Variants in KIAA1549L observed in about 807,000 individuals in gnomAD.
The protein encoded by KIAA1549L is KIAA1549 like.
KIAA1549L carries 88 observed loss-of-function variants against 160.7 expected under a neutral mutation model. The observed-to-expected ratio is 0.55, with a 90% CI of 0.46 to 0.65. KIAA1549L has a LOEUF of 0.65. KIAA1549L is among the 30% of genes least tolerant of loss of function. The pLI is 0.00. For synonymous variants in KIAA1549L, 950 were observed against 976.7 expected, an observed-to-expected ratio of 0.97 and a Z score of 0.51; for missense variants, 2,258 against 2,437.5, an observed-to-expected ratio of 0.93 and a Z score of 1.55.
chr11:33,470,049 G>A lies in KIAA1549L; in HGVS notation c.239-71753G>A, dbSNP rs1416803211. On this transcript the variant is annotated intron_variant, in intron 1 of 20. Transcript: ENST00000658780. ...CAATTTATCTATTTTTTTTTCTTTT[G>A]TTGCTTGTACTTTTGGTGTCATATC... Among the ~76,000 whole-genome samples, 4 of 150,852 alleles carry A rather than the reference G, an allele frequency of 2.7e-5. No individual in the cohort carries two copies. In the East Asian group the frequency reaches 7.7e-4, roughly 29 times the overall value.
intron 1 of KIAA1549L, among the ~76,000 whole-genome samples, chr11:33,489,321 A>G (rs953384529): frequency 1.3e-5 from 2 of 152,222 alleles, no homozygotes; most frequent in Non-Finnish European, 2.9e-5. Flanking sequence ...AGAGAGAGAC[A>G]GAGACAGAGG....
chr11:33,398,866 C>T (rs939186969), intron 1 of KIAA1549L, among the ~76,000 whole-genome samples: 2 of 151,636 alleles, frequency 1.3e-5, no homozygotes, highest in Non-Finnish European at 2.9e-5. Flanking sequence ...CGTATATAGT[C>T]TTAGTTAAAA....
chr11:33,466,352 C>G (rs1249329772), intron 1 of KIAA1549L, among the ~76,000 whole-genome samples: 1 of 152,178 alleles, frequency 6.6e-6, no homozygotes, highest in African/African-American at 2.4e-5. Flanking sequence ...ATGCAGCCAA[C>G]AGACATATGA....
chr11:33,591,207 T>C, intron 11 of KIAA1549L, 30 bp from the exon 12 acceptor site: 1 of 1,563,802 alleles, frequency 6.4e-7, no homozygotes, highest in Non-Finnish European at 8.7e-7. Context: ...TCGCTAGAAA[T>C]ACGACTGCAA....
intron 12 of KIAA1549L, among the ~76,000 whole-genome samples, chr11:33,594,765 A>G (rs1350716489): frequency 6.6e-6 from 1 of 152,244 alleles, no homozygotes; most frequent in Non-Finnish European, 1.5e-5. Context: ...AATTAGGACC[A>G]TTACTGCAAT....
Position 33,495,341 on chromosome 11 carries a change from T to G in KIAA1549L, c.239-46461T>G, listed in dbSNP as rs1360531140. On this transcript the variant is annotated intron_variant, in intron 1 of 20. Transcript: ENST00000658780. ...CCTTCCTGTGTCCATGCGTTCTCAT[T>G]GTTCAATTCCCACCTATGAGTGAGA... Among the ~76,000 whole-genome samples the G allele has an allele frequency of 3.3e-5, 5 of 151,346 alleles. No individual in the cohort carries two copies. In the East Asian group the frequency reaches 9.8e-4, roughly 30 times the overall value.
intron 13 of KIAA1549L, among the ~76,000 whole-genome samples, chr11:33,606,435 G>T (rs1186365490): frequency 6.6e-6 from 1 of 152,148 alleles, no homozygotes; most frequent in Non-Finnish European, 1.5e-5. Flanking sequence ...CCCATGATAA[G>T]GCAATGGAGG....
At chr11:33,567,153 T>C (rs544781527) in intron 8 of KIAA1549L, among the ~76,000 whole-genome samples, 83 of 152,282 alleles carry the variant, frequency 5.5e-4, no homozygotes, top group African/African-American at 1.9e-3. Flanking sequence ...ATTCATGCCT[T>C]ACCTGTTGAC....
At chr11:33,490,613 C>T (rs1214191648) in intron 1 of KIAA1549L, among the ~76,000 whole-genome samples, 1 of 152,166 alleles carries the variant, frequency 6.6e-6, no homozygotes, top group East Asian at 1.9e-4. Context: ...CACTTTACTT[C>T]TAATTAGCCA....
At chr11:33,613,789 A>G (rs1036322455) in intron 15 of KIAA1549L, among the ~76,000 whole-genome samples, 3 of 152,224 alleles carry the variant, frequency 2.0e-5, no homozygotes, top group African/African-American at 7.2e-5. Context: ...CAAATAAAAG[A>G]CAAAGTTTAG....
intron 1 of KIAA1549L, among the ~76,000 whole-genome samples, chr11:33,502,420 G>A (rs1241104810): frequency 6.6e-6 from 1 of 152,152 alleles, no homozygotes; most frequent in Non-Finnish European, 1.5e-5. Context: ...AAGAAACGTG[G>A]TGATATTTGA....
chr11:33,457,350 G>A (rs140770320), intron 1 of KIAA1549L, among the ~76,000 whole-genome samples: 1 of 152,206 alleles, frequency 6.6e-6, no homozygotes, highest in South Asian at 2.1e-4. Context: ...GATAGGAGAA[G>A]TTCTGGCATC....
chr11:33,453,874 A>G lies in KIAA1549L; in HGVS notation c.238+76985A>G, dbSNP rs180976977. 6.9e-4 allele frequency among the ~76,000 whole-genome samples: 105 copies of G among 152,312 alleles called. 1 individual carries two copies. Among genetic ancestry groups the G allele is most frequent in the African/African-American group, 2.4e-3 (98 of 41,578 alleles). ...GTAAAACACATGATTAGTTCATTCA[A>G]TATCCAGTTGCACCCTTCCAGGTGA... On this transcript the variant is annotated intron_variant, in intron 1 of 20. Transcript: ENST00000658780.
chr11:33,535,110 T>A (rs1011945821), intron 1 of KIAA1549L, among the ~76,000 whole-genome samples: 4 of 152,122 alleles, frequency 2.6e-5, no homozygotes, highest in African/African-American at 9.7e-5. Context: ...CCAAGCTCAC[T>A]CAGGTTGTTG....
chr11:33,382,487 T>G (rs934775044), intron 1 of KIAA1549L, among the ~76,000 whole-genome samples: 1 of 152,080 alleles, frequency 6.6e-6, no homozygotes, highest in Admixed American at 6.6e-5. Context: ...ACAATTCTTA[T>G]GAAGTTTTTT....
chr11:33,469,178 CTATT>C (rs1469299237), intron 1 of KIAA1549L, among the ~76,000 whole-genome samples: 2 of 152,082 alleles, frequency 1.3e-5, no homozygotes, highest in African/African-American at 4.8e-5. Flanking sequence ...ACCCCGTTAT[CTATT>C]AGTCAGTCCC....
chr11:33,525,847 C>T (rs1853598788), intron 1 of KIAA1549L, among the ~76,000 whole-genome samples: 1 of 151,924 alleles, frequency 6.6e-6, no homozygotes, highest in Admixed American at 6.6e-5. Context: ...CTGCTGGCTT[C>T]CCCCTCTTCC....
Position 33,542,839 on chromosome 11 carries a change from T to G in KIAA1549L, c.1276T>G (p.Ser426Ala). 2 of 1,613,882 alleles carry G rather than the reference T, an allele frequency of 1.2e-6. No homozygotes were observed. Among genetic ancestry groups the G allele is most frequent in the Non-Finnish European group, 1.7e-6 (2 of 1,179,874 alleles). The part of the protein sequence containing the change: ...AEPPLFQTAE[S>A]GAIEMTSRKL... ...GCCTCCACTTTTCCAGACTGCAGAA[T>G]CAGGGGCCATAGAAATGACCAGCAG... The change falls in exon 2 of 21, where the codon TCA becomes GCA. Residue 426 changes from serine (S) to alanine (A), a missense_variant. Physicochemically the swap from Ser to Ala is moderately conservative, Grantham distance 99. This residue lies in a region of KIAA1549L where 540 missense variants were observed against 465.7 expected (regional missense o/e 1.16). Transcript: ENST00000658780.
chr11:33,640,475 G>A (rs964568406), intron 16 of KIAA1549L, among the ~76,000 whole-genome samples: 15 of 152,082 alleles, frequency 9.9e-5, no homozygotes, highest in African/African-American at 1.7e-4. Context: ...TCTCCATCAC[G>A]CACACAATCT....
Sources: allele counts gnomAD v4.1 joint callset (sites outside exome capture counted in the v4.1 genomes callset), GRCh38; gene constraint gnomAD v4.1.1; regional missense constraint gnomAD v4.1.1; transcripts MANE v1.5; gene names NCBI Gene and HGNC (gene_info 2026-07-23, HGNC 2026-07-21).